Variants in CADPS observed in about 807,000 individuals in gnomAD.
The protein encoded by CADPS is calcium-dependent secretion activator 1.
In CADPS, 57 loss-of-function variants were observed where a neutral mutation model predicts 167.3. The observed-to-expected ratio is 0.34, with a 90% confidence interval of 0.28 to 0.42. The LOEUF is 0.42. Ranked by LOEUF, CADPS falls within the 20% of genes least tolerant of loss-of-function variation. The pLI is 1.00. For synonymous variants in CADPS, 676 were observed against 635.3 expected, an observed-to-expected ratio of 1.06 and a Z score of -0.96; for missense variants, 1,414 against 1,738.1, an observed-to-expected ratio of 0.81 and a Z score of 3.32.
intron 6 of CADPS, among the ~76,000 whole-genome samples, chr3:62,615,716 C>T (rs1417009380): frequency 6.6e-6 from 1 of 152,100 alleles, no homozygotes; most frequent in Non-Finnish European, 1.5e-5. Context: ...ACCCCCAATA[C>T]ACACCCACCC....
chr3:62,478,410 C>T lies in CADPS; in HGVS notation c.3180G>A (p.Gly1060=). 4 of 1,613,408 alleles carry T rather than the reference C, an allele frequency of 2.5e-6. No homozygotes were observed. Among genetic ancestry groups the T allele is most frequent in the Admixed American group, 3.3e-5 (2 of 59,946 alleles). The change falls in exon 23 of 30, where the codon GGG becomes GGA. Residue 1060 remains glycine (G), a synonymous_variant. Coordinates refer to ENST00000383710, the MANE Select transcript of CADPS (RefSeq NM_003716.4). This position sits in a 1 kb window ranked among gnomAD's most constrained non-coding sequence, Gnocchi z 5.7. The part of the protein sequence containing the change: ...WMAAIYDADN[G]SGTSEDLFWK... ...AAAACAGATCTTCTGAGGTGCCTGACCCATTACTGGCAGGACAAAAATTAG... is the reference window on the plus strand; with the variant it reads ...AAAACAGATCTTCTGAGGTGCCTGATCCATTACTGGCAGGACAAAAATTAG...
intron 27 of CADPS, among the ~76,000 whole-genome samples, chr3:62,444,717 C>G (rs2056927562): frequency 6.6e-6 from 1 of 152,178 alleles, no homozygotes; most frequent in South Asian, 2.1e-4. Context: ...GCTAAATTCA[C>G]TCCAATTTTC....
intron 17 of CADPS, among the ~76,000 whole-genome samples, chr3:62,504,788 A>T (rs959765802): frequency 6.6e-6 from 1 of 152,176 alleles, no homozygotes; most frequent in Non-Finnish European, 1.5e-5. Context: ...GTTAAATGTG[A>T]CTGCAGAAAA....
intron 1 of CADPS, among the ~76,000 whole-genome samples, chr3:62,865,385 T>TAA (rs35780515): frequency 1.9e-3 from 204 of 110,124 alleles, no homozygotes; most frequent in African/African-American, 5.5e-3. Flanking sequence ...ACTTAAGGAT[T>TAA]AAAAAAAAAA....
At chr3:62,414,994 C>A (rs1055026829) in intron 28 of CADPS, among the ~76,000 whole-genome samples, 1 of 152,048 alleles carries the variant, frequency 6.6e-6, no homozygotes, top group African/African-American at 2.4e-5. Flanking sequence ...TGGGCAAAAG[C>A]GGGACACAGA....
chr3:62,748,563 G>A (rs1417978531), intron 3 of CADPS, among the ~76,000 whole-genome samples: 1 of 152,056 alleles, frequency 6.6e-6, no homozygotes, highest in African/African-American at 2.4e-5. Flanking sequence ...AAAGGGAAAG[G>A]GGAGAGATGG....
chr3:62,536,490 T>A lies in CADPS; in HGVS notation c.2058A>T (p.Gln686His). 6.2e-7 allele frequency: 1 copy of A among 1,613,432 alleles called. No homozygotes were observed. The highest frequency in any genetic ancestry group is 1.3e-5 in the African/African-American group (1 of 74,996). ...FDHASLFEMV[Q>H]RLTLDHRLND... The stretch of plus-strand genomic sequence containing the variant: ...TAAGTCTGTGATCCAAAGTAAGGCG[T>A]TGTACCATCTCAAAGAGGGAAGCGT... Residue 686 changes from glutamine (Q) to histidine (H), a missense_variant, in exon 12 of 30, where the codon CAA (glutamine) becomes CAT (histidine). Gln to His is a conservative substitution (Grantham distance 24). This residue lies in a region of CADPS where 529 missense variants were observed against 629.6 expected (regional missense o/e 0.84). Transcript: ENST00000383710.
chr3:62,420,011 GC>G lies in CADPS; in HGVS notation c.3778-16827del, dbSNP rs1295461959. ...AAATTCAAATTGACTTTAGGGAGTT[GC>G]TTTCCCGGGCTGAGGTGGTTTTCAT... On this transcript the variant is annotated intron_variant, in intron 28 of 29. Coordinates refer to ENST00000383710, the MANE Select transcript of CADPS (RefSeq NM_003716.4). This position sits in a 1 kb window ranked among gnomAD's most constrained non-coding sequence, Gnocchi z 4.1. Among the ~76,000 whole-genome samples the G allele has an allele frequency of 1.3e-5, 2 of 152,120 alleles. No individual in the cohort carries two copies. Among genetic ancestry groups the G allele is most frequent in the African/African-American group, 4.8e-5 (2 of 41,430 alleles).
In CADPS at chr3:62,599,745, AATCTATTATATATATTGTAT is replaced by A. The variant is rs2059539230; in HGVS notation, c.1326-7017_1326-6998del. ...TATATATAGTATATATAATATATAT[AATCTATTATATATATTGTAT>A]ATATAATATATATATTATATATAAT... On this transcript the variant is annotated intron_variant, in intron 6 of 29. Coordinates refer to ENST00000383710, the MANE Select transcript of CADPS (RefSeq NM_003716.4). 9.0e-4 allele frequency among the ~76,000 whole-genome samples: 22 copies of A among 24,468 alleles called. 8 individuals carry two copies. Among genetic ancestry groups the A allele is most frequent in the Non-Finnish European group, 1.4e-3 (22 of 15,540 alleles). 16.1% of individuals were successfully genotyped at this position (24,468 alleles called of 152,430 possible). A position where few individuals can be genotyped will look rare whatever the true frequency, so the allele number is the denominator to read the frequency against.
intron 7 of CADPS, among the ~76,000 whole-genome samples, chr3:62,585,807 T>C (rs928031724): frequency 3.3e-5 from 5 of 152,220 alleles, no homozygotes; most frequent in African/African-American, 1.2e-4. Flanking sequence ...ATGAGAAATG[T>C]GAGACTCAGG....
chr3:62,449,515 TCCATAG>T (rs1033498186), intron 26 of CADPS, among the ~76,000 whole-genome samples: 4 of 152,144 alleles, frequency 2.6e-5, no homozygotes, highest in African/African-American at 9.7e-5. Context: ...CATATCCATA[TCCATAG>T]GAATATGTCT....
intron 24 of CADPS, chr3:62,466,620 T>C (rs2059965114): frequency 4.9e-6 from 3 of 616,048 alleles, no homozygotes; most frequent in Non-Finnish European, 8.8e-6. Context: ...CCAAGTTCAT[T>C]GTTCCTTACT....
chr3:62,811,300 A>G (rs1273808921), intron 1 of CADPS, among the ~76,000 whole-genome samples: 1 of 152,134 alleles, frequency 6.6e-6, no homozygotes, highest in African/African-American at 2.4e-5. Context: ...TATAAAAAAA[A>G]AAATCTGTAA....
intron 3 of CADPS, among the ~76,000 whole-genome samples, chr3:62,699,436 T>C (rs2080985243): frequency 6.6e-6 from 1 of 152,150 alleles, no homozygotes. Flanking sequence ...GAGATTCTAA[T>C]CTAAGTGAAC....
rs778193473 is a variant in CADPS, at chr3:62,827,297, T to C, written c.441+47292A>G. Among the ~76,000 whole-genome samples, 3 of 152,136 alleles carry C rather than the reference T, an allele frequency of 2.0e-5. No homozygotes were observed. In the South Asian group the frequency reaches 6.2e-4, roughly 32 times the overall value. ...GGATGGCCACTTTTCAAGCAAAAGT[T>C]GTAAAGATGGTTGGATACTGGGGGA... On this transcript the variant is annotated intron_variant, in intron 1 of 29. Transcript: ENST00000383710.
chr3:62,755,121 A>T (rs1030771016), intron 2 of CADPS, among the ~76,000 whole-genome samples: 1 of 152,050 alleles, frequency 6.6e-6, no homozygotes, highest in African/African-American at 2.4e-5. Context: ...AGGGGAAGGG[A>T]CTTCCTTTTG....
intron 1 of CADPS, among the ~76,000 whole-genome samples, chr3:62,858,191 T>C (rs2153160808): frequency 6.6e-6 from 1 of 152,292 alleles, no homozygotes; most frequent in African/African-American, 2.4e-5. Flanking sequence ...CAGATCTGGC[T>C]TAATGGTGTA....
intron 5 of CADPS, among the ~76,000 whole-genome samples, chr3:62,647,424 C>A (rs1381202395): frequency 6.6e-6 from 1 of 152,132 alleles, no homozygotes; most frequent in Non-Finnish European, 1.5e-5. Flanking sequence ...TGGGTTGGAG[C>A]CCAGGACTTT....
At chr3:62,453,827 C>A (rs1473001275) in intron 26 of CADPS, among the ~76,000 whole-genome samples, 1 of 152,220 alleles carries the variant, frequency 6.6e-6, no homozygotes, top group East Asian at 1.9e-4. Context: ...GAAATGTCTT[C>A]TTTGCTTACC....
Sources: allele counts gnomAD v4.1 joint callset (sites outside exome capture counted in the v4.1 genomes callset), GRCh38; gene constraint gnomAD v4.1.1; regional missense constraint gnomAD v4.1.1; non-coding constraint Gnocchi (gnomAD v3.1); transcripts MANE v1.5; gene names NCBI Gene and HGNC (gene_info 2026-07-23, HGNC 2026-07-21).